USP12: variants seen among roughly 807,000 people sequenced by gnomAD.
The protein encoded by USP12 is ubiquitin specific peptidase 12, also known as ubiquitin carboxyl-terminal hydrolase 12.
In USP12, 19 loss-of-function variants were observed where a neutral mutation model predicts 45.5. The ratio of observed to expected loss-of-function variants is 0.42; its 90% CI spans 0.29 to 0.61. The LOEUF (loss-of-function observed/expected upper bound fraction) is 0.61. Among genes scored for constraint, USP12 ranks in the 20% least tolerant of loss-of-function variants. USP12 has a pLI of 0.22. For missense variants in USP12, 242 were observed against 447.7 expected, an observed-to-expected ratio of 0.54 and a Z score of 4.15; for synonymous variants, 149 against 148.8, an observed-to-expected ratio of 1.00 and a Z score of -0.01.
chr13:27,075,135 T>C, intron 7 of USP12, 56 bp downstream of exon 7: 1 of 1,548,750 alleles, frequency 6.5e-7, no homozygotes, highest in Non-Finnish European at 8.9e-7. Context: ...ATCTTGAATG[T>C]ACCCTGCTCT....
rs1188069978 is a variant in USP12 at position 27,067,626 on chromosome 13, T to C, written c.*1657A>G. The C allele has an allele frequency of 6.6e-6, 1 of 152,216 alleles. No homozygotes were observed. Among genetic ancestry groups the C allele is most frequent in the African/African-American group, 2.4e-5 (1 of 41,466 alleles). 9.4% of individuals were successfully genotyped at this position (152,216 alleles called of 1,614,324 possible). Reference sequence around the variant, plus strand: ...GGAAAAAATAGGTGAAGTCATTTCCTGAGCCAAAAGATACAGATAATAAAT... The same window carrying C: ...GGAAAAAATAGGTGAAGTCATTTCCCGAGCCAAAAGATACAGATAATAAAT... On this transcript the variant is annotated 3_prime_UTR_variant, in exon 9 of 9. Transcript: ENST00000282344.
intron 3 of USP12, among the ~76,000 whole-genome samples, chr13:27,102,953 T>C (rs1874943725): frequency 6.6e-6 from 1 of 152,244 alleles, no homozygotes; most frequent in Non-Finnish European, 1.5e-5. Context: ...TGCTGTACTC[T>C]ATGCAGGAGC....
intron 1 of USP12, among the ~76,000 whole-genome samples, chr13:27,122,831 T>G (rs1876059512): frequency 1.3e-5 from 2 of 152,078 alleles, no homozygotes; most frequent in Non-Finnish European, 2.9e-5. Flanking sequence ...CGGTGGCTCA[T>G]GTCTGTAATC....
Position 27,089,879 on chromosome 13 carries a change from T to C in USP12, c.734+4A>G. The C allele has an allele frequency of 6.2e-7, 1 of 1,609,656 alleles. No individual in the cohort carries two copies. ...CTTAAAAATCCATAAAGCTCTAAAA[T>C]TACCGTTTGTGTGCTTCCTGTTTGC... On this transcript the variant is annotated splice_donor_region_variant and intron_variant, in intron 6 of 8. Transcript: ENST00000282344.
chr13:27,129,696 A>G lies in USP12; in HGVS notation c.49-13100T>C. Among the ~76,000 whole-genome samples, 1 of 152,198 alleles carries G rather than the reference A, an allele frequency of 6.6e-6. No homozygotes were observed. The highest frequency in any genetic ancestry group is 1.9e-4 in the East Asian group (1 of 5,200). ...AGTGAGACCCTATCTCTTAATAATA[A>G]TAATAGCAAATAAAAATAAATGTAT... is the stretch of plus-strand genomic sequence containing the variant. On this transcript the variant is annotated intron_variant, in intron 1 of 8. Transcript: ENST00000282344. The surrounding 1 kb of genome is among the most constrained non-coding windows in gnomAD (Gnocchi z 4.0).
chr13:27,112,512 TC>T (rs1169319879), intron 2 of USP12, among the ~76,000 whole-genome samples: 1 of 152,034 alleles, frequency 6.6e-6, no homozygotes, highest in Non-Finnish European at 1.5e-5. Context: ...GTCTCAGATT[TC>T]TGGGCTCAAA....
At chr13:27,153,900 T>C (rs1593212197) in intron 1 of USP12, among the ~76,000 whole-genome samples, 1 of 152,246 alleles carries the variant, frequency 6.6e-6, no homozygotes, top group African/African-American at 2.4e-5. Context: ...CCAGGCTCTA[T>C]GTTTCATCCT....
intron 3 of USP12, among the ~76,000 whole-genome samples, chr13:27,098,365 T>TA (rs768191624): frequency 1.0e-3 from 20 of 19,754 alleles, no homozygotes; most frequent in Non-Finnish European, 3.7e-3. Flanking sequence ...TACAGAATAT[T>TA]TAAAAAAAAA....
intron 1 of USP12, among the ~76,000 whole-genome samples, chr13:27,151,014 A>C (rs1003521623): frequency 2.0e-5 from 3 of 152,058 alleles, no homozygotes; most frequent in Non-Finnish European, 4.4e-5. Context: ...AAAATATGAC[A>C]CCAAAAGCAT....
Position 27,070,418 on chromosome 13 carries a change from T to A in USP12, c.1011+653A>T, listed in dbSNP as rs552642854. 2.6e-5 allele frequency among the ~76,000 whole-genome samples: 4 copies of A among 152,254 alleles called. 1 individual carries two copies. The South Asian group carries it at 8.3e-4, about 32-fold the overall frequency. On this transcript the variant is annotated intron_variant, in intron 8 of 8. Transcript: ENST00000282344. ...AAATGTGAGTGTGTGAGTATGGCCA[T>A]GTGTGTGTGACATGGGGGGACACAT...
At chr13:27,132,339 CAAG>C (rs1876541647) in intron 1 of USP12, among the ~76,000 whole-genome samples, 1 of 151,476 alleles carries the variant, frequency 6.6e-6, no homozygotes, top group Admixed American at 6.6e-5. Context: ...TAACTTCAAA[CAAG>C]AAAATTTTAG....
At chr13:27,072,476 T>C (rs1280020324) in intron 7 of USP12, among the ~76,000 whole-genome samples, 1 of 152,200 alleles carries the variant, frequency 6.6e-6, no homozygotes, top group Non-Finnish European at 1.5e-5. Flanking sequence ...TTCTTAGGCA[T>C]CTGATTTCTG....
At chr13:27,142,954 G>A (rs995254337) in intron 1 of USP12, among the ~76,000 whole-genome samples, 1 of 152,080 alleles carries the variant, frequency 6.6e-6, no homozygotes, top group Non-Finnish European at 1.5e-5. Context: ...TTAACTGGGC[G>A]TGGTGCCACA....
At chr13:27,101,573 T>C (rs527648996) in intron 3 of USP12, among the ~76,000 whole-genome samples, 14 of 152,300 alleles carry the variant, frequency 9.2e-5, no homozygotes, top group Middle Eastern at 3.4e-3. Context: ...GACAGTCTAG[T>C]GGGAGAGACA....
At chr13:27,152,358 T>TA (rs1306875788) in intron 1 of USP12, among the ~76,000 whole-genome samples, 2 of 152,024 alleles carry the variant, frequency 1.3e-5, no homozygotes, top group Non-Finnish European at 2.9e-5. Flanking sequence ...ACACGCAAAG[T>TA]AAAAGCAGCC....
At chr13:27,165,700 G>C (rs1878318669) in intron 1 of USP12, among the ~76,000 whole-genome samples, 1 of 152,124 alleles carries the variant, frequency 6.6e-6, no homozygotes, top group Non-Finnish European at 1.5e-5. Flanking sequence ...AAAGAAAAAA[G>C]TGTCAAAAAT....
intron 2 of USP12, among the ~76,000 whole-genome samples, chr13:27,115,450 C>A (rs1003602951): frequency 1.3e-5 from 2 of 152,116 alleles, no homozygotes; most frequent in Admixed American, 1.3e-4. Context: ...CATGAGAAAC[C>A]CATCTAATAT....
At chr13:27,084,602 T>C (rs939223976) in intron 6 of USP12, among the ~76,000 whole-genome samples, 7 of 152,160 alleles carry the variant, frequency 4.6e-5, no homozygotes, top group Admixed American at 3.9e-4. Context: ...TTATTCTTTT[T>C]CGTGTGGATA....
chr13:27,146,285 C>T (rs1002603779), intron 1 of USP12, among the ~76,000 whole-genome samples: 3 of 152,012 alleles, frequency 2.0e-5, no homozygotes, highest in African/African-American at 7.3e-5. Context: ...ATCTATAGTC[C>T]CAGCTACTCG....
Sources: gnomAD v4.1 joint callset for allele counts (sites outside exome capture counted in the v4.1 genomes callset) on GRCh38, gnomAD v4.1.1 for gene constraint, Gnocchi (gnomAD v3.1) non-coding constraint, MANE v1.5 for transcripts, NCBI Gene and HGNC (gene_info 2026-07-23, HGNC 2026-07-21) for gene names.